ACOT11: variants seen among roughly 807,000 people sequenced by gnomAD.
ACOT11 encodes the protein acyl-CoA thioesterase 11.
ACOT11 carries 69 observed loss-of-function variants against 77.5 expected under a neutral mutation model. The ratio of observed to expected loss-of-function variants is 0.89; its 90% CI spans 0.73 to 1.09. The LOEUF (loss-of-function observed/expected upper bound fraction) is 1.09, where lower values mean the gene tolerates loss of function less well. Among genes scored for constraint, ACOT11 ranks in the 50% least tolerant of loss-of-function variants. The pLI is 0.00. For missense variants in ACOT11, 766 were observed against 813.7 expected (o/e 0.94, Z 0.71); for synonymous variants, 279 against 313.0 (o/e 0.89, Z 1.15).
intron 1 of ACOT11, among the ~76,000 whole-genome samples, chr1:54,560,330 G>T (rs943873715): frequency 6.6e-6 from 1 of 152,142 alleles, no homozygotes; most frequent in African/African-American, 2.4e-5. Flanking sequence ...TAGGAAGAAT[G>T]ATCCAGGCAG....
intron 13 of ACOT11, among the ~76,000 whole-genome samples, chr1:54,605,620 A>T (rs1007980307): frequency 6.6e-6 from 1 of 151,982 alleles, no homozygotes; most frequent in Non-Finnish European, 1.5e-5. Flanking sequence ...CTGGGGGTGG[A>T]GTTGGAAGGA....
At chr1:54,582,632 A>G (rs1456299448) in intron 1 of ACOT11, 1 of 558,826 alleles carries the variant, frequency 1.8e-6, no homozygotes, top group Non-Finnish European at 2.3e-6. Flanking sequence ...CTTAGGTATC[A>G]TGACTGCTGG....
rs534039663 is a variant in ACOT11, at chr1:54,632,212, A to G, written c.1782+1326A>G. 4.6e-5 allele frequency among the ~76,000 whole-genome samples: 7 copies of G among 152,362 alleles called. No homozygotes were observed. In the South Asian group the frequency reaches 1.4e-3, roughly 32 times the overall value. On this transcript the variant is annotated intron_variant, in intron 16 of 16. Coordinates refer to the ACOT11 transcript ENST00000371316. ...AGGGAACCCAATTTCAGGAAACGCC[A>G]TGAGGGGCCCGTCCCGGGCCCCGCT...
chr1:54,584,680 G>A lies in ACOT11; in HGVS notation c.59G>A (p.Arg20His), dbSNP rs41294808. Residue 20 changes from arginine (R) to histidine (H), a missense_variant, in exon 2 of 16, where the codon CGC (arginine) becomes CAC (histidine). By Grantham distance (29) the Arg-to-His change is conservative (BLOSUM62 0). Coordinates refer to ENST00000343744, the MANE Select transcript of ACOT11 (RefSeq NM_147161.4). This position sits in a 1 kb window ranked among gnomAD's most constrained non-coding sequence, Gnocchi z 6.3. Reference protein sequence around the residue: ...RRGLASVFSNRTSRKSALRAG... With the variant: ...RRGLASVFSNHTSRKSALRAG... ...GGCTTGGCCTCTGTGTTCTCCAACC[G>A]CACATCCCGGAAGTCAGCCTTACGT... 0.022 allele frequency: 35,269 copies of A among 1,614,020 alleles called. 471 individuals are homozygous for A. Among genetic ancestry groups the A allele is most frequent in the Non-Finnish European group, 0.025 (29,576 of 1,179,958 alleles).
rs113184640 is a variant in ACOT11, at chr1:54,628,857, C to T, written c.1630-1877C>T. ...GGCGGATCACTCAAGATCAGGCATT[C>T]GAGAACAGCCTGGCCAACATGACGA... is the stretch of plus-strand genomic sequence containing the variant. On this transcript the variant is annotated intron_variant, in intron 15 of 16. Transcript: ENST00000371316. Among the ~76,000 whole-genome samples the T allele has an allele frequency of 6.7e-3, 881 of 132,032 alleles. 92 individuals are homozygous for T. Among genetic ancestry groups the T allele is most frequent in the African/African-American group, 0.022 (841 of 39,046 alleles). 86.6% of individuals were successfully genotyped at this position (132,032 alleles called of 152,430 possible).
intron 12 of ACOT11, 117 bp from the exon 13 acceptor site, chr1:54,604,959 G>A (rs562900686): frequency 4.8e-5 from 52 of 1,074,488 alleles, no homozygotes; most frequent in African/African-American, 4.4e-4. Context: ...GTTGAGCTGC[G>A]TGTTCACATT....
At chr1:54,633,799 T>C (rs1468685201) in intron 16 of ACOT11, among the ~76,000 whole-genome samples, 1 of 152,226 alleles carries the variant, frequency 6.6e-6, no homozygotes, top group Non-Finnish European at 1.5e-5. Flanking sequence ...TTTCTATCCT[T>C]GGAGGAAATC....
At chr1:54,625,658 C>A (rs1385494301) in intron 15 of ACOT11, among the ~76,000 whole-genome samples, 1 of 152,134 alleles carries the variant, frequency 6.6e-6, no homozygotes, top group Non-Finnish European at 1.5e-5. Flanking sequence ...AAATGCTGAG[C>A]CAGGCGCGGT....
intron 2 of ACOT11, among the ~76,000 whole-genome samples, chr1:54,585,066 C>T (rs1284873525): frequency 6.6e-6 from 1 of 152,194 alleles, no homozygotes; most frequent in Non-Finnish European, 1.5e-5. Context: ...CAGACCCCTT[C>T]AGCCCTGAGT....
intron 1 of ACOT11, among the ~76,000 whole-genome samples, chr1:54,575,162 C>T (rs569222986): frequency 6.6e-5 from 10 of 152,324 alleles, no homozygotes; most frequent in African/African-American, 1.4e-4. Context: ...GGGCTGTGCT[C>T]GAGCTCTGGC....
chr1:54,589,549 C>A (rs372464976), intron 3 of ACOT11, among the ~76,000 whole-genome samples: 4 of 152,150 alleles, frequency 2.6e-5, no homozygotes, highest in African/African-American at 9.7e-5. Flanking sequence ...TAGCTCACTG[C>A]AGCCCTGAAC....
chr1:54,562,514 C>T (rs1476246560), intron 1 of ACOT11, among the ~76,000 whole-genome samples: 1 of 91,942 alleles, frequency 1.1e-5, no homozygotes, highest in Non-Finnish European at 2.4e-5. Flanking sequence ...ACCTCCCTCC[C>T]GGATGGGGCG....
intron 3 of ACOT11, among the ~76,000 whole-genome samples, chr1:54,588,301 C>T (rs908131721): frequency 1.3e-5 from 2 of 152,172 alleles, no homozygotes; most frequent in African/African-American, 2.4e-5. Context: ...TTGTAGGGTA[C>T]CTTTGTCACA....
rs149264358 is a variant in ACOT11, at chr1:54,594,644, A to G, written c.560A>G (p.Tyr187Cys). The part of the protein sequence containing the change: ...AAERRRMRLV[Y>C]ADTIKDLLAN... Reference sequence around the variant, plus strand: ...GAGCGCCGGCGCATGCGCCTTGTCTATGCAGACACCATCAAGGACCTCCTG... The same window carrying G: ...GAGCGCCGGCGCATGCGCCTTGTCTGTGCAGACACCATCAAGGACCTCCTG... The change falls in exon 6 of 16, where the codon TAT (tyrosine) becomes TGT (cysteine). Residue 187 changes from tyrosine (Y) to cysteine (C), a missense_variant. Physicochemically the swap from Tyr to Cys is radical, Grantham distance 194. Coordinates refer to ENST00000343744, the MANE Select transcript of ACOT11 (RefSeq NM_147161.4). The G allele has an allele frequency of 4.5e-5, 72 of 1,613,978 alleles. No individual in the cohort carries two copies. Among genetic ancestry groups the G allele is most frequent in the Non-Finnish European group, 5.8e-5 (69 of 1,179,984 alleles).
intron 1 of ACOT11, among the ~76,000 whole-genome samples, chr1:54,564,163 C>T (rs531662785): frequency 2.5e-4 from 38 of 152,018 alleles, no homozygotes; most frequent in Non-Finnish European, 5.6e-4. Flanking sequence ...TTGCTTGAGC[C>T]TGGGACGTAG....
Position 54,609,809 on chromosome 1 carries a change from G to T in ACOT11, c.*697G>T. 6.2e-7 allele frequency: 1 copy of T among 1,614,208 alleles called. No homozygotes were observed. The highest frequency in any genetic ancestry group is 8.5e-7 in the Non-Finnish European group (1 of 1,180,034). ...TTGCAAATGGATGCCCCAGTGTCCG[G>T]GATGTGTGGCCAGCTGCTGCAGGCA... On this transcript the variant is annotated 3_prime_UTR_variant, in exon 16 of 16. Coordinates refer to ENST00000343744, the MANE Select transcript of ACOT11 (RefSeq NM_147161.4).
intron 3 of ACOT11, among the ~76,000 whole-genome samples, chr1:54,586,592 C>T (rs1029260985): frequency 2.6e-5 from 4 of 151,870 alleles, no homozygotes; most frequent in Non-Finnish European, 4.4e-5. Context: ...CTACAAGGCC[C>T]GGCTAATTTT....
At chr1:54,612,720 A>C (rs763372359), downstream of ACOT11, 1 of 1,609,796 alleles carries the variant, frequency 6.2e-7, no homozygotes, top group Non-Finnish European at 8.5e-7. Flanking sequence ...CCTGCAAAAA[A>C]ATCAGAGATG....
chr1:54,585,336 C>T (rs1654460527), intron 2 of ACOT11, among the ~76,000 whole-genome samples: 1 of 152,158 alleles, frequency 6.6e-6, no homozygotes, highest in South Asian at 2.1e-4. Flanking sequence ...AGCACTGTTT[C>T]AGAGGCCCTG....
Sources: allele counts gnomAD v4.1 joint callset (sites outside exome capture counted in the v4.1 genomes callset), GRCh38; gene constraint gnomAD v4.1.1; non-coding constraint Gnocchi (gnomAD v3.1); transcripts MANE v1.5; gene names NCBI Gene and HGNC (gene_info 2026-07-23, HGNC 2026-07-21).